Variants in ITGBL1 observed in about 807,000 individuals in gnomAD.
ITGBL1 encodes integrin subunit beta like 1, also known as integrin beta-like protein 1.
Under a neutral mutation model 68.5 loss-of-function variants are expected in ITGBL1, and 51 were observed. The ratio of observed to expected loss-of-function variants is 0.74; its 90% confidence interval spans 0.59 to 0.94. ITGBL1 has a LOEUF of 0.94. ITGBL1 is among the 40% of genes least tolerant of loss of function. The pLI, the probability that ITGBL1 is intolerant of heterozygous loss-of-function variation, is 0.00. For missense variants in ITGBL1, 649 were observed against 647.4 expected (o/e 1.00, Z -0.03); for synonymous variants, 209 against 227.3 (o/e 0.92, Z 0.72).
At chr13:101,690,132 A>C (rs954556441) in intron 7 of ITGBL1, among the ~76,000 whole-genome samples, 1 of 152,212 alleles carries the variant, frequency 6.6e-6, no homozygotes, top group Non-Finnish European at 1.5e-5. Context: ...ATTGGTTACT[A>C]TATTCTCTGA....
At chr13:101,707,523 T>A (rs2034288202) in intron 9 of ITGBL1, among the ~76,000 whole-genome samples, 1 of 152,128 alleles carries the variant, frequency 6.6e-6, no homozygotes, top group Non-Finnish European at 1.5e-5. Flanking sequence ...CAAGTAAACA[T>A]GTGCAGCCTG....
At chr13:101,512,026 A>T (rs779289884) in intron 2 of ITGBL1, among the ~76,000 whole-genome samples, 1 of 152,156 alleles carries the variant, frequency 6.6e-6, no homozygotes, top group African/African-American at 2.4e-5. Flanking sequence ...GAATGTTGTC[A>T]TTCTAATTTG....
rs1343112168 is a variant in ITGBL1 at position 101,683,387 on chromosome 13, G to C, written c.1016-9198G>C. On this transcript the variant is annotated intron_variant, in intron 7 of 10. Transcript: ENST00000376180. ...TCTACATTATGTTCTTGAGACTCAG[G>C]CATTACGTTGAATGTATTTGCGATT... Among the ~76,000 whole-genome samples, 3 of 151,946 alleles carry C rather than the reference G, an allele frequency of 2.0e-5. No individual in the cohort carries two copies. The East Asian group carries it at 5.8e-4, about 29-fold the overall frequency.
intron 7 of ITGBL1, among the ~76,000 whole-genome samples, chr13:101,605,582 GTATT>G (rs1477286344): frequency 4.0e-5 from 6 of 150,846 alleles, no homozygotes; most frequent in African/African-American, 9.7e-5. Context: ...ATATATACAC[GTATT>G]TAGACACGTA....
intron 7 of ITGBL1, among the ~76,000 whole-genome samples, chr13:101,665,307 T>C (rs2033187946): frequency 6.6e-6 from 1 of 152,114 alleles, no homozygotes; most frequent in Non-Finnish European, 1.5e-5. Flanking sequence ...TTTAATTCAC[T>C]TAATAATTTG....
intron 7 of ITGBL1, among the ~76,000 whole-genome samples, chr13:101,690,160 T>G (rs1209116046): frequency 1.1e-4 from 17 of 152,152 alleles, no homozygotes; most frequent in Admixed American, 1.1e-3. Flanking sequence ...AAAAGATATG[T>G]GAATTGTTAT....
chr13:101,709,955 A>T lies in ITGBL1; in HGVS notation c.1279+3053A>T, dbSNP rs927756336. 6.6e-5 allele frequency among the ~76,000 whole-genome samples: 10 copies of T among 152,250 alleles called. 1 individual carries two copies. Among genetic ancestry groups the T allele is most frequent in the African/African-American group, 7.2e-5 (3 of 41,466 alleles). ...GAAAGTCATTACAGCCCTAGGAAAGATTCTCATCTTTCAGCATCATAAATG... is the reference window on the plus strand; with the variant it reads ...GAAAGTCATTACAGCCCTAGGAAAGTTTCTCATCTTTCAGCATCATAAATG... On this transcript the variant is annotated intron_variant, in intron 9 of 10. Transcript: ENST00000376180.
At chr13:101,570,393 C>T (rs2050253309) in intron 3 of ITGBL1, among the ~76,000 whole-genome samples, 1 of 152,044 alleles carries the variant, frequency 6.6e-6, no homozygotes, top group African/African-American at 2.4e-5. Flanking sequence ...TTCACTGCAC[C>T]TTTGGAATCA....
Position 101,691,565 on chromosome 13 carries a change from G to A in ITGBL1, c.1016-1020G>A, listed in dbSNP as rs537773079. On this transcript the variant is annotated intron_variant, in intron 7 of 10. Transcript: ENST00000376180. ...AATTATGATGGTTGGGCTAATGACA[G>A]GGAGTAACAGATGTCTCGGAGCACT... is the stretch of plus-strand genomic sequence containing the variant. Among the ~76,000 whole-genome samples the A allele has an allele frequency of 4.6e-5, 7 of 152,274 alleles. No homozygotes were observed. In the South Asian group the frequency reaches 1.2e-3, roughly 27 times the overall value.
chr13:101,594,381 G>T (rs529835807), intron 6 of ITGBL1, among the ~76,000 whole-genome samples: 14 of 152,276 alleles, frequency 9.2e-5, no homozygotes, highest in African/African-American at 3.4e-4. Flanking sequence ...ATGTCCACAT[G>T]CAGAAGAAAG....
intron 5 of ITGBL1, among the ~76,000 whole-genome samples, chr13:101,581,802 A>G (rs184120601): frequency 1.3e-5 from 2 of 152,328 alleles, no homozygotes. Context: ...AAAGTGAGCT[A>G]TAAGTCTGAA....
intron 8 of ITGBL1, among the ~76,000 whole-genome samples, chr13:101,696,371 G>A (rs2034002514): frequency 6.6e-6 from 1 of 152,156 alleles, no homozygotes; most frequent in African/African-American, 2.4e-5. Flanking sequence ...CCAGGTTTCT[G>A]TTTTGAGCAA....
At chr13:101,700,369 C>T (rs531969885) in intron 8 of ITGBL1, among the ~76,000 whole-genome samples, 5 of 152,190 alleles carry the variant, frequency 3.3e-5, no homozygotes, top group Non-Finnish European at 7.3e-5. Context: ...CATATACAGG[C>T]TCCATCACCA....
At chr13:101,567,655 T>C in intron 2 of ITGBL1, 44 bp from the exon 3 acceptor site, 1 of 1,592,274 alleles carries the variant, frequency 6.3e-7, no homozygotes, top group South Asian at 1.1e-5. Context: ...GTGGTTATCT[T>C]TGGAAAACAA....
intron 3 of ITGBL1, among the ~76,000 whole-genome samples, chr13:101,574,374 T>G (rs1370252671): frequency 6.6e-6 from 1 of 152,172 alleles, no homozygotes; most frequent in East Asian, 1.9e-4. Flanking sequence ...TTCTCTTGGC[T>G]TTTAGTTCTC....
At chr13:101,720,665 G>A (rs2034915288), downstream of ITGBL1, 1 of 151,792 alleles carries the variant, frequency 6.6e-6, no homozygotes, top group Non-Finnish European at 1.5e-5. Context: ...CATATAGTTG[G>A]CCACATATTA....
At position 101,583,294 on chromosome 13, in the gene ITGBL1, G is replaced by A; in HGVS notation, c.806G>A (p.Cys269Tyr). 1 of 1,612,690 alleles carries A rather than the reference G, an allele frequency of 6.2e-7. No homozygotes were observed. The highest frequency in any genetic ancestry group is 8.5e-7 in the Non-Finnish European group (1 of 1,179,162). Reference sequence around the variant, plus strand: ...TGGGGAGATATTCATGGGGACACCTGTGAATGTGATGAGAGGGACTGTAGA... The same window carrying A: ...TGGGGAGATATTCATGGGGACACCTATGAATGTGATGAGAGGGACTGTAGA... ...GDWGDIHGDT[C>Y]ECDERDCRAV... Residue 269 changes from cysteine (C) to tyrosine (Y), a missense_variant, in exon 6 of 11, where the codon TGT becomes TAT. Coordinates refer to ENST00000376180, the MANE Select transcript of ITGBL1 (RefSeq NM_004791.3).
At chr13:101,493,446 C>T (rs2048810070) in intron 2 of ITGBL1, among the ~76,000 whole-genome samples, 1 of 151,884 alleles carries the variant, frequency 6.6e-6, no homozygotes, top group African/African-American at 2.4e-5. Flanking sequence ...TTTTGTGGGG[C>T]TTTGATTAAA....
At chr13:101,454,197 C>G (rs2048207536) in intron 2 of ITGBL1, 97 bp downstream of exon 2, 1 of 787,990 alleles carries the variant, frequency 1.3e-6, no homozygotes, top group African/African-American at 1.8e-5. Context: ...GGACACGCCT[C>G]CCTTCACATA....
Sources: allele counts gnomAD v4.1 joint callset (sites outside exome capture counted in the v4.1 genomes callset), GRCh38; gene constraint gnomAD v4.1.1; transcripts MANE v1.5; gene names NCBI Gene and HGNC (gene_info 2026-07-23, HGNC 2026-07-21).